Variants in REXO5 observed in about 807,000 individuals in gnomAD.
REXO5 encodes exonuclease NEF-sp.
REXO5 carries 48 observed loss-of-function variants against 88.5 expected under a neutral mutation model. That is an observed-to-expected ratio of 0.54 (90% CI 0.43 to 0.69). The LOEUF (loss-of-function observed/expected upper bound fraction) is 0.69, where lower values mean the gene tolerates loss of function less well. Ranked by LOEUF, REXO5 falls within the 30% of genes least tolerant of loss-of-function variation. REXO5 has a pLI of 0.00. For missense variants in REXO5, 749 were observed against 912.2 expected (o/e 0.82, Z 2.30); for synonymous variants, 311 against 336.5 (o/e 0.92, Z 0.83).
chr16:20,807,750 A>AG (rs397765677), intron 2 of REXO5, among the ~76,000 whole-genome samples: 1 of 149,594 alleles, frequency 6.7e-6, no homozygotes, highest in Non-Finnish European at 1.5e-5. Context: ...AAAAAAAAAA[A>AG]CAAAAAACAA....
At chr16:20,820,061 A>G (rs2081145530) in intron 5 of REXO5, among the ~76,000 whole-genome samples, 1 of 152,072 alleles carries the variant, frequency 6.6e-6, no homozygotes, top group Non-Finnish European at 1.5e-5. Flanking sequence ...CCTCTACTCC[A>G]TTTTTTACAA....
chr16:20,838,153 C>T (rs1596605417), intron 13 of REXO5, among the ~76,000 whole-genome samples: 1 of 152,104 alleles, frequency 6.6e-6, no homozygotes, highest in East Asian at 1.9e-4. Flanking sequence ...GGTTTTCATT[C>T]AAGAGCATCT....
At chr16:20,837,547 CAT>C (rs890120869) in intron 13 of REXO5, among the ~76,000 whole-genome samples, 5 of 152,272 alleles carry the variant, frequency 3.3e-5, no homozygotes, top group Middle Eastern at 6.8e-3. Context: ...TAATTCTTTC[CAT>C]GCTTTTCATT....
intron 13 of REXO5, among the ~76,000 whole-genome samples, chr16:20,837,336 C>A (rs566835902): frequency 6.7e-4 from 102 of 152,204 alleles, no homozygotes; most frequent in African/African-American, 2.4e-3. Flanking sequence ...TTTATTGGTA[C>A]CCAAGGCCCC....
At chr16:20,830,980 T>G in intron 11 of REXO5, among the ~76,000 whole-genome samples, 1 of 150,116 alleles carries the variant, frequency 6.7e-6, no homozygotes, top group South Asian at 2.1e-4. Context: ...ATCACTTTTT[T>G]TCTTTTTCTG....
chr16:20,849,655 G>C lies in REXO5; in HGVS notation c.*175G>C, dbSNP rs1038611896. 4.9e-5 allele frequency: 30 copies of C among 607,408 alleles called. No individual in the cohort carries two copies. The highest frequency in any genetic ancestry group is 5.3e-5 in the Non-Finnish European group (18 of 341,340). 37.6% of individuals were successfully genotyped at this position (607,408 alleles called of 1,614,324 possible). A position where few individuals can be genotyped will look rare whatever the true frequency, so the allele number is the denominator to read the frequency against. ...TATAAGTTTTCAATAAATGCCTAAA[G>C]TTCAAGCATAGTATGGGGATGTCCA... On this transcript the variant is annotated 3_prime_UTR_variant, in exon 20 of 20. Coordinates refer to ENST00000261377, the MANE Select transcript of REXO5 (RefSeq NM_030941.3).
chr16:20,818,882 C>G (rs909596055), intron 5 of REXO5, among the ~76,000 whole-genome samples: 4 of 152,204 alleles, frequency 2.6e-5, no homozygotes, highest in Non-Finnish European at 5.9e-5. Context: ...AGCCAATCAC[C>G]TAGGTATTAA....
rs2081058633 is a variant in REXO5, at chr16:20,814,956, T to TA, written c.284dup (p.Asn95LysfsTer33). 1 of 1,613,552 alleles carries TA rather than the reference T, an allele frequency of 6.2e-7. No homozygotes were observed. Among genetic ancestry groups the TA allele is most frequent in the African/African-American group, 1.3e-5 (1 of 75,046 alleles). ...TGCCAGCTTTTTCATCAAAACCACC[T>TA]AAACAACGTAGTGGTTTTTGTTCTG... On this transcript the variant is annotated frameshift_variant, in exon 4 of 20. Transcript: ENST00000261377. LOFTEE classifies it high-confidence loss of function.
intron 13 of REXO5, among the ~76,000 whole-genome samples, chr16:20,834,244 G>A (rs1027951424): frequency 6.6e-6 from 1 of 152,112 alleles, no homozygotes; most frequent in African/African-American, 2.4e-5. Context: ...TGATCACCTG[G>A]TCAAGGTGTT....
At chr16:20,833,890 T>C (rs999466252) in intron 13 of REXO5, among the ~76,000 whole-genome samples, 7 of 152,220 alleles carry the variant, frequency 4.6e-5, no homozygotes, top group African/African-American at 1.7e-4. Flanking sequence ...CTACTTGTCA[T>C]CTGTATTCTA....
intron 18 of REXO5, 149 bp from the exon 19 acceptor site, chr16:20,846,072 C>T: frequency 1.5e-6 from 1 of 666,914 alleles, no homozygotes; most frequent in Non-Finnish European, 2.7e-6. Flanking sequence ...AGAGAACCTG[C>T]AGTGTGGGCT....
rs1349448546 is a variant in REXO5 at position 20,842,412 on chromosome 16, A to G, written c.1627-1522A>G. ...AAATAATATTCCATTTCATGTATAT[A>G]CCACATTTTGTTTATCCATTTGTTG... is the stretch of plus-strand genomic sequence containing the variant. On this transcript the variant is annotated intron_variant, in intron 15 of 19. Coordinates refer to ENST00000261377, the MANE Select transcript of REXO5 (RefSeq NM_030941.3). Among the ~76,000 whole-genome samples, 4 of 151,768 alleles carry G rather than the reference A, an allele frequency of 2.6e-5. No individual in the cohort carries two copies. The East Asian group carries it at 7.7e-4, about 29-fold the overall frequency.
At chr16:20,836,763 C>G (rs1164966864) in intron 13 of REXO5, among the ~76,000 whole-genome samples, 2 of 152,204 alleles carry the variant, frequency 1.3e-5, no homozygotes, top group Non-Finnish European at 2.9e-5. Context: ...GTTCCTGTTG[C>G]TCCACATTCT....
At chr16:20,845,289 C>A in intron 18 of REXO5, 48 bp downstream of exon 18, 4 of 1,491,616 alleles carry the variant, frequency 2.7e-6, no homozygotes, top group South Asian at 1.2e-5. Flanking sequence ...GAGTCCTGCT[C>A]AGTGACACTT....
intron 8 of REXO5, 102 bp from the exon 9 acceptor site, chr16:20,826,956 A>G (rs746549429): frequency 5.2e-6 from 6 of 1,150,008 alleles, no homozygotes; most frequent in Non-Finnish European, 7.3e-6. Context: ...AAGCATATAT[A>G]TATTAACAGT....
At chr16:20,830,501 G>A (rs993811583) in intron 11 of REXO5, among the ~76,000 whole-genome samples, 50 of 151,868 alleles carry the variant, frequency 3.3e-4, no homozygotes, top group African/African-American at 1.2e-3. Context: ...TGGCCCAAGA[G>A]GATTTAACAA....
Position 20,846,296 on chromosome 16 carries a change from T to C in REXO5, c.2200T>C (p.Cys734Arg). 6.2e-7 allele frequency: 1 copy of C among 1,614,078 alleles called. No individual in the cohort carries two copies. The highest frequency in any genetic ancestry group is 1.1e-5 in the South Asian group (1 of 91,076). ...RKIGKLYNSL[C>R]PGTLCLILLP... ...GATTGGAAAGCTCTACAACAGCTTGTGCCCGGGCACTCTCTGCCTCATCCT... is the reference window on the plus strand; with the variant it reads ...GATTGGAAAGCTCTACAACAGCTTGCGCCCGGGCACTCTCTGCCTCATCCT... Residue 734 changes from cysteine (C) to arginine (R), a missense_variant, in exon 19 of 20, where the codon TGC becomes CGC. Cys to Arg is a radical substitution (Grantham distance 180, BLOSUM62 -3). Transcript: ENST00000261377.
chr16:20,845,259 T>G lies in REXO5; in HGVS notation c.2124+18T>G. On this transcript the variant is annotated intron_variant, in intron 18 of 19. Coordinates refer to ENST00000261377, the MANE Select transcript of REXO5 (RefSeq NM_030941.3). Reference sequence around the variant, plus strand: ...CCTTGCAGGTGAGTGAGTGAAGGCGTCTTGGAGAAGATGTCAGGAGAGTCC... The same window carrying G: ...CCTTGCAGGTGAGTGAGTGAAGGCGGCTTGGAGAAGATGTCAGGAGAGTCC... The G allele has an allele frequency of 6.2e-7, 1 of 1,607,408 alleles. No homozygotes were observed. Among genetic ancestry groups the G allele is most frequent in the South Asian group, 1.1e-5 (1 of 90,290 alleles).
At chr16:20,828,264 TC>T (rs1231313103) in intron 10 of REXO5, among the ~76,000 whole-genome samples, 170 bp from the exon 11 acceptor site, 1 of 152,166 alleles carries the variant, frequency 6.6e-6, no homozygotes, top group Non-Finnish European at 1.5e-5. Flanking sequence ...CACCCCCAGT[TC>T]CTCTCGCAGG....
Sources: allele counts gnomAD v4.1 joint callset (sites outside exome capture counted in the v4.1 genomes callset), GRCh38; gene constraint gnomAD v4.1.1; transcripts MANE v1.5; gene names NCBI Gene and HGNC (gene_info 2026-07-23, HGNC 2026-07-21).